CCDC91: variants seen among roughly 807,000 people sequenced by gnomAD.
The protein encoded by CCDC91 is coiled-coil domain containing 91, also known as coiled-coil domain-containing protein 91.
Under a neutral mutation model 63.2 loss-of-function variants are expected in CCDC91, and 48 were observed. The observed-to-expected ratio is 0.76, with a 90% confidence interval of 0.60 to 0.97. The LOEUF is 0.97. CCDC91 is among the 50% of genes least tolerant of loss of function. The pLI is 0.00. For synonymous variants in CCDC91, 167 were observed against 165.8 expected (o/e 1.01, Z -0.06); for missense variants, 500 against 494.6 (o/e 1.01, Z -0.10).
chr12:28,367,446 A>G (rs1322341929), intron 7 of CCDC91, among the ~76,000 whole-genome samples: 2 of 152,222 alleles, frequency 1.3e-5, no homozygotes, highest in Non-Finnish European at 2.9e-5. Context: ...TTCGAACAGT[A>G]TAGAGAAAAC....
At chr12:28,337,959 C>G (rs11049540) in intron 6 of CCDC91, among the ~76,000 whole-genome samples, 32,166 of 151,912 alleles carry the variant, frequency 0.21, 4,181 homozygotes, top group Non-Finnish European at 0.3. Context: ...TTTAATGCAT[C>G]ATTAATAAAT....
At chr12:28,250,963 T>A (rs1389749026) in intron 1 of CCDC91, among the ~76,000 whole-genome samples, 17 of 131,968 alleles carry the variant, frequency 1.3e-4, no homozygotes, top group Non-Finnish European at 2.5e-4. Context: ...AGTGTGTGTG[T>A]GTGTGTGTGT....
intron 3 of CCDC91, among the ~76,000 whole-genome samples, chr12:28,266,233 T>A (rs2136276186): frequency 6.6e-6 from 1 of 152,140 alleles, no homozygotes. Context: ...GCTATGCTTC[T>A]GAAGATTAGG....
chr12:28,279,349 G>A (rs942289272), intron 3 of CCDC91, among the ~76,000 whole-genome samples: 1 of 152,036 alleles, frequency 6.6e-6, no homozygotes, highest in African/African-American at 2.4e-5. Context: ...GACCCCTCAA[G>A]TTAAGTACAG....
At chr12:28,304,401 AG>A (rs1407625924) in intron 3 of CCDC91, among the ~76,000 whole-genome samples, 137 of 119,886 alleles carry the variant, frequency 1.1e-3, no homozygotes, top group East Asian at 2.4e-3. Flanking sequence ...AAAAAAAAAA[AG>A]AAAAAAAAAA....
At chr12:28,475,634 A>C (rs1951042791) in intron 11 of CCDC91, among the ~76,000 whole-genome samples, 1 of 151,780 alleles carries the variant, frequency 6.6e-6, no homozygotes, top group Non-Finnish European at 1.5e-5. Flanking sequence ...TTTGGCCCCC[A>C]TTTTCCCTCT....
At chr12:28,316,357 A>G (rs1190193649) in intron 6 of CCDC91, among the ~76,000 whole-genome samples, 1 of 151,648 alleles carries the variant, frequency 6.6e-6, no homozygotes, top group African/African-American at 2.4e-5. Flanking sequence ...AGTTTAAATA[A>G]TCATTTCTGA....
chr12:28,516,350 C>G (rs1037893325), intron 12 of CCDC91, among the ~76,000 whole-genome samples: 2 of 151,900 alleles, frequency 1.3e-5, no homozygotes, highest in African/African-American at 4.8e-5. Context: ...CATGCCTAAT[C>G]CCAGCACTTT....
chr12:28,409,289 T>A (rs1947166466), intron 8 of CCDC91, among the ~76,000 whole-genome samples: 1 of 152,170 alleles, frequency 6.6e-6, no homozygotes, highest in Non-Finnish European at 1.5e-5. Flanking sequence ...GGAAAAAATG[T>A]TGCATTTTGT....
chr12:28,277,557 C>A (rs149911703), intron 3 of CCDC91, among the ~76,000 whole-genome samples: 2 of 151,972 alleles, frequency 1.3e-5, no homozygotes, highest in Admixed American at 1.3e-4. Flanking sequence ...GGATTTGGGA[C>A]TGTCAAATTT....
chr12:28,426,121 A>G (rs766458427), intron 8 of CCDC91, among the ~76,000 whole-genome samples: 1 of 152,180 alleles, frequency 6.6e-6, no homozygotes, highest in African/African-American at 2.4e-5. Flanking sequence ...TCTCAACACT[A>G]AATATGTCAC....
intron 12 of CCDC91, among the ~76,000 whole-genome samples, chr12:28,485,222 G>T (rs1023124319): frequency 6.6e-6 from 1 of 151,420 alleles, no homozygotes. Context: ...GCAGTGGCGC[G>T]ATCTCCGCTC....
intron 3 of CCDC91, among the ~76,000 whole-genome samples, chr12:28,267,904 A>ATATATAAT (rs1947424849): frequency 1.8e-5 from 1 of 57,120 alleles, no homozygotes; most frequent in Admixed American, 2.6e-4. Flanking sequence ...ATATATAATT[A>ATATATAAT]TATTATATAT....
At chr12:28,519,914 G>A (rs1413334690) in intron 12 of CCDC91, among the ~76,000 whole-genome samples, 1 of 151,824 alleles carries the variant, frequency 6.6e-6, no homozygotes, top group African/African-American at 2.4e-5. Flanking sequence ...CTTTTTTATG[G>A]CTGCATAGTA....
At chr12:28,282,416 C>T (rs1481262939) in intron 3 of CCDC91, among the ~76,000 whole-genome samples, 3 of 152,118 alleles carry the variant, frequency 2.0e-5, no homozygotes, top group Non-Finnish European at 4.4e-5. Flanking sequence ...CAGTTCCATC[C>T]AAGTTGTTGC....
chr12:28,360,086 G>A (rs772557261), intron 6 of CCDC91, among the ~76,000 whole-genome samples: 5 of 152,196 alleles, frequency 3.3e-5, no homozygotes, highest in African/African-American at 4.8e-5. Context: ...GTAGATCGTT[G>A]CCATGAAACA....
At chr12:28,333,212 G>T (rs1468613028) in intron 6 of CCDC91, among the ~76,000 whole-genome samples, 2 of 151,322 alleles carry the variant, frequency 1.3e-5, no homozygotes, top group East Asian at 3.9e-4. Context: ...TGGCTAACAT[G>T]GTGAAACCCT....
intron 6 of CCDC91, among the ~76,000 whole-genome samples, chr12:28,351,297 G>T (rs1191597470): frequency 6.6e-6 from 1 of 152,214 alleles, no homozygotes; most frequent in Non-Finnish European, 1.5e-5. Context: ...ACAGGCATCA[G>T]ATTCCCGTCT....
chr12:28,269,828 T>G (rs1190590958), intron 3 of CCDC91, among the ~76,000 whole-genome samples: 1 of 152,118 alleles, frequency 6.6e-6, no homozygotes, highest in Non-Finnish European at 1.5e-5. Flanking sequence ...ATTAGGAATC[T>G]CCTGAATAAA....
Sources: gnomAD v4.1 joint callset for allele counts (sites outside exome capture counted in the v4.1 genomes callset) on GRCh38, gnomAD v4.1.1 for gene constraint, MANE v1.5 for transcripts, NCBI Gene and HGNC (gene_info 2026-07-23, HGNC 2026-07-21) for gene names.